GNPTAB: variants seen among roughly 807,000 people sequenced by gnomAD.
The protein encoded by GNPTAB is N-acetylglucosamine-1-phosphate transferase subunits alpha and beta.
Under a neutral mutation model 136.6 loss-of-function variants are expected in GNPTAB, and 92 were observed. That is an observed-to-expected ratio of 0.67 (90% CI 0.57 to 0.80). GNPTAB has a LOEUF of 0.80. Ranked by LOEUF, GNPTAB falls within the 30% of genes least tolerant of loss-of-function variation. The pLI, the probability that GNPTAB is intolerant of heterozygous loss-of-function variation, is 0.00. For missense variants in GNPTAB, 1,343 were observed against 1,501.8 expected, an observed-to-expected ratio of 0.89 and a Z score of 1.75; for synonymous variants, 512 against 535.1, an observed-to-expected ratio of 0.96 and a Z score of 0.60.
chr12:101,824,432 A>ATATATATATTT (rs1188582277), intron 1 of GNPTAB, among the ~76,000 whole-genome samples: 2 of 50,882 alleles, frequency 3.9e-5, no homozygotes, highest in African/African-American at 8.5e-5. Flanking sequence ...ATATATATAT[A>ATATATATATTT]TTTTCTTTTT....
chr12:101,803,349 T>G (rs537795352), intron 1 of GNPTAB, among the ~76,000 whole-genome samples: 2 of 152,220 alleles, frequency 1.3e-5, no homozygotes, highest in Admixed American at 1.3e-4. Flanking sequence ...CCTCCTCCTA[T>G]GATATTAACC....
rs376821668 is a variant in GNPTAB at position 101,825,969 on chromosome 12, G to A, written c.117+4590C>T. The stretch of plus-strand genomic sequence containing the variant: ...CAGACGGTCCCCACTCTCAGGCCAG[G>A]CCTCTTTCTAACTCATCTGTTTGTT... On this transcript the variant is annotated intron_variant, in intron 1 of 20. Transcript: ENST00000299314. Among the ~76,000 whole-genome samples the A allele has an allele frequency of 1.5e-3, 223 of 152,242 alleles. 1 individual carries two copies. The highest frequency in any genetic ancestry group is 4.9e-3 in the African/African-American group (202 of 41,550).
At chr12:101,750,588 C>T (rs1952801600) in intron 19 of GNPTAB, among the ~76,000 whole-genome samples, 1 of 152,184 alleles carries the variant, frequency 6.6e-6, no homozygotes, top group Non-Finnish European at 1.5e-5. Flanking sequence ...CAAATGGACC[C>T]TTGAGGGTAA....
At chr12:101,797,601 G>T (rs1869375318) in intron 1 of GNPTAB, among the ~76,000 whole-genome samples, 1 of 152,178 alleles carries the variant, frequency 6.6e-6, no homozygotes, top group African/African-American at 2.4e-5. Flanking sequence ...TCCAGCCTGG[G>T]CAACAGAGCG....
At chr12:101,768,788 G>A (rs1478431794) in intron 10 of GNPTAB, among the ~76,000 whole-genome samples, 1 of 152,158 alleles carries the variant, frequency 6.6e-6, no homozygotes, top group Non-Finnish European at 1.5e-5. Flanking sequence ...TAATTGGAAT[G>A]TCTTTTTTAA....
Position 101,761,240 on chromosome 12 carries a change from G to C in GNPTAB, c.3022C>G (p.Leu1008Val). The C allele has an allele frequency of 6.2e-7, 1 of 1,613,818 alleles. No homozygotes were observed. Among genetic ancestry groups the C allele is most frequent in the Non-Finnish European group, 8.5e-7 (1 of 1,179,714 alleles). Reference protein sequence around the residue: ...FYYLMSAVQPLNISQVFDEVD... With the variant: ...FYYLMSAVQPVNISQVFDEVD... ...TCATCAAAGACTTGAGATATATTCA[G>C]TGGCTGCACTGCACTCATGAGATAA... Residue 1008 changes from leucine to valine, a missense_variant, in exon 15 of 21, where the codon CTG (leucine) becomes GTG (valine). By Grantham distance (32) the Leu-to-Val change is conservative. Transcript: ENST00000299314.
chr12:101,816,153 A>G (rs1870502783), intron 1 of GNPTAB, among the ~76,000 whole-genome samples: 1 of 152,198 alleles, frequency 6.6e-6, no homozygotes, highest in Non-Finnish European at 1.5e-5. Context: ...ACGGAGTAAG[A>G]CCTAAAGAGA....
At chr12:101,820,408 T>C (rs749571598) in intron 1 of GNPTAB, among the ~76,000 whole-genome samples, 1 of 152,206 alleles carries the variant, frequency 6.6e-6, no homozygotes, top group Non-Finnish European at 1.5e-5. Context: ...GTCCTTCCAC[T>C]GACCTAGTCC....
At chr12:101,748,856 A>G (rs886656851) in intron 20 of GNPTAB, among the ~76,000 whole-genome samples, 2 of 152,232 alleles carry the variant, frequency 1.3e-5, no homozygotes, top group Non-Finnish European at 2.9e-5. Context: ...GATATCTACA[A>G]GTTAATCTGT....
intron 5 of GNPTAB, among the ~76,000 whole-genome samples, chr12:101,783,122 T>C (rs1868437826): frequency 6.6e-6 from 1 of 151,898 alleles, no homozygotes; most frequent in African/African-American, 2.4e-5. Flanking sequence ...TCTGACTCCC[T>C]CCACCAAGAT....
chr12:101,765,339 A>G (rs745747235), intron 12 of GNPTAB, 35 bp from the exon 13 acceptor site: 11 of 1,385,106 alleles, frequency 7.9e-6, no homozygotes, highest in Non-Finnish European at 1.0e-5. Context: ...TTTTTTTTTT[A>G]ACTGGGCATT....
intron 7 of GNPTAB, among the ~76,000 whole-genome samples, chr12:101,773,921 T>C (rs1160249813): frequency 6.6e-6 from 1 of 152,212 alleles, no homozygotes; most frequent in Non-Finnish European, 1.5e-5. Flanking sequence ...AAATTTTAAA[T>C]TTACATAAAT....
chr12:101,757,103 C>T, intron 18 of GNPTAB, 109 bp downstream of exon 18: 1 of 680,444 alleles, frequency 1.5e-6, no homozygotes, highest in Non-Finnish European at 2.6e-6. Context: ...ACTGCCTGCA[C>T]TGTTAGGCCT....
intron 1 of GNPTAB, among the ~76,000 whole-genome samples, chr12:101,819,165 C>T (rs1273815219): frequency 1.3e-5 from 2 of 152,130 alleles, no homozygotes; most frequent in Non-Finnish European, 2.9e-5. Context: ...GTGCCCGCCA[C>T]CACACTTGGC....
At chr12:101,781,381 A>G (rs1326571436) in intron 5 of GNPTAB, among the ~76,000 whole-genome samples, 1 of 152,158 alleles carries the variant, frequency 6.6e-6, no homozygotes, top group Non-Finnish European at 1.5e-5. Flanking sequence ...AGTGTACTAT[A>G]GTTACAGGGC....
intron 18 of GNPTAB, among the ~76,000 whole-genome samples, chr12:101,754,386 G>A (rs187032789): frequency 2.0e-4 from 31 of 151,846 alleles, no homozygotes; most frequent in African/African-American, 7.5e-4. Context: ...TCTTTAGATT[G>A]CACCACTGCA....
intron 19 of GNPTAB, 74 bp from the exon 20 acceptor site, chr12:101,749,265 T>C: frequency 1.2e-6 from 1 of 852,668 alleles, no homozygotes; most frequent in Non-Finnish European, 2.0e-6. Flanking sequence ...ATTATTTATA[T>C]ACTAGTTCTA....
At chr12:101,829,776 T>C (rs1266167815) in intron 1 of GNPTAB, among the ~76,000 whole-genome samples, 1 of 152,136 alleles carries the variant, frequency 6.6e-6, no homozygotes, top group African/African-American at 2.4e-5. Flanking sequence ...ACTAAAAAAG[T>C]ACATGCTCAG....
intron 7 of GNPTAB, 152 bp downstream of exon 7, chr12:101,780,000 T>G: frequency 1.3e-6 from 1 of 776,886 alleles, no homozygotes; most frequent in Non-Finnish European, 2.2e-6. Context: ...AAATTAAAAG[T>G]AAGGAGTGAG....
Sources: gnomAD v4.1 joint callset for allele counts (sites outside exome capture counted in the v4.1 genomes callset) on GRCh38, gnomAD v4.1.1 for gene constraint, MANE v1.5 for transcripts, NCBI Gene and HGNC (gene_info 2026-07-23, HGNC 2026-07-21) for gene names.